Variants in ALK observed in about 807,000 individuals in gnomAD.
ALK encodes the protein ALK tyrosine kinase receptor.
ALK carries 74 observed loss-of-function variants against 163.1 expected under a neutral mutation model. The observed-to-expected ratio is 0.45, with a 90% CI of 0.38 to 0.55. ALK has a LOEUF of 0.55. ALK is among the 20% of genes least tolerant of loss of function. The pLI, the probability that ALK is intolerant of heterozygous loss-of-function variation, is 0.00. For synonymous variants in ALK, 960 were observed against 843.2 expected, an observed-to-expected ratio of 1.14 and a Z score of -2.40; for missense variants, 2,063 against 2,105.3, an observed-to-expected ratio of 0.98 and a Z score of 0.39.
chr2:29,529,065 G>A (rs764898871), intron 4 of ALK, among the ~76,000 whole-genome samples: 143 of 152,296 alleles, frequency 9.4e-4, no homozygotes, highest in Admixed American at 1.6e-3. Context: ...AGCAGCTGCT[G>A]TGCTTCTCCA....
At chr2:29,203,485 C>CTTTTTTTTTTTTTTTTTTTTTTTTTTTGT (rs1669233897) in intron 26 of ALK, among the ~76,000 whole-genome samples, 1 of 32,544 alleles carries the variant, frequency 3.1e-5, no homozygotes, top group Non-Finnish European at 5.2e-5. Flanking sequence ...GAGGATGTGC[C>CTTTTTTTTTTTTTTTTTTTTTTTTTTTGT]TTTTTTTTTT....
chr2:29,196,448 C>T (rs184941570), intron 28 of ALK, among the ~76,000 whole-genome samples: 291 of 152,288 alleles, frequency 1.9e-3, no homozygotes, highest in African/African-American at 5.5e-3. Context: ...GTGTTCCATA[C>T]GTCTGTGAAG....
At chr2:29,894,877 C>A (rs917417948) in intron 1 of ALK, among the ~76,000 whole-genome samples, 1 of 151,360 alleles carries the variant, frequency 6.6e-6, no homozygotes, top group Non-Finnish European at 1.5e-5. Context: ...CACACACACA[C>A]CCCGACATAC....
chr2:29,534,270 A>T (rs1388008584), intron 3 of ALK, among the ~76,000 whole-genome samples: 2 of 152,238 alleles, frequency 1.3e-5, no homozygotes, highest in African/African-American at 2.4e-5. Context: ...CTTGCACCAC[A>T]AGTCCACACA....
At chr2:29,243,119 T>A (rs999635224) in intron 12 of ALK, among the ~76,000 whole-genome samples, 1 of 152,190 alleles carries the variant, frequency 6.6e-6, no homozygotes, top group Non-Finnish European at 1.5e-5. Flanking sequence ...AAGCAAGGGC[T>A]TGAATGCAGA....
intron 1 of ALK, among the ~76,000 whole-genome samples, chr2:29,846,954 G>C (rs1665859887): frequency 6.6e-6 from 1 of 152,152 alleles, no homozygotes; most frequent in African/African-American, 2.4e-5. Context: ...CTAGAATCTT[G>C]CTGAGCTATA....
intron 3 of ALK, among the ~76,000 whole-genome samples, chr2:29,536,925 T>C (rs1431080629): frequency 6.6e-6 from 1 of 152,226 alleles, no homozygotes; most frequent in Non-Finnish European, 1.5e-5. Flanking sequence ...TTAAGAGTGA[T>C]AACTTAGGGT....
At chr2:29,348,997 T>TA (rs1437425122) in intron 5 of ALK, among the ~76,000 whole-genome samples, 1 of 152,226 alleles carries the variant, frequency 6.6e-6, no homozygotes, top group Non-Finnish European at 1.5e-5. Context: ...TTCTCGAATG[T>TA]ACAACGGGGA....
intron 28 of ALK, among the ~76,000 whole-genome samples, chr2:29,196,085 C>T (rs760774324): frequency 2.6e-5 from 4 of 152,178 alleles, no homozygotes; most frequent in East Asian, 3.9e-4. Flanking sequence ...GCAAAAATTT[C>T]GAGTCGTTAT....
intron 2 of ALK, among the ~76,000 whole-genome samples, chr2:29,699,526 T>A (rs1678671286): frequency 6.6e-6 from 1 of 152,196 alleles, no homozygotes; most frequent in Non-Finnish European, 1.5e-5. Flanking sequence ...ATTTACACAA[T>A]AGATGAGAAA....
At chr2:29,581,883 A>G (rs1201217273) in intron 3 of ALK, among the ~76,000 whole-genome samples, 2 of 152,200 alleles carry the variant, frequency 1.3e-5, no homozygotes, top group Admixed American at 6.5e-5. Context: ...CCTCTTAGGC[A>G]GAGAGAAACA....
At chr2:29,314,013 G>A (rs979614024) in intron 8 of ALK, among the ~76,000 whole-genome samples, 1 of 152,098 alleles carries the variant, frequency 6.6e-6, no homozygotes, top group African/African-American at 2.4e-5. Context: ...GAGGTCGGGG[G>A]CAAGCTTCAA....
chr2:29,453,759 G>C (rs546714191), intron 4 of ALK, among the ~76,000 whole-genome samples: 47 of 152,256 alleles, frequency 3.1e-4, no homozygotes, highest in African/African-American at 1.1e-3. Context: ...TATGGAGCAA[G>C]TGTGAGGAGA....
At chr2:29,539,865 G>C (rs1021982274) in intron 3 of ALK, among the ~76,000 whole-genome samples, 2 of 152,082 alleles carry the variant, frequency 1.3e-5, no homozygotes, top group African/African-American at 4.8e-5. Flanking sequence ...AACAACAACT[G>C]GGTAAAGTAT....
chr2:29,759,229 T>C (rs1455535337), intron 1 of ALK, among the ~76,000 whole-genome samples: 3 of 152,202 alleles, frequency 2.0e-5, no homozygotes, highest in Non-Finnish European at 4.4e-5. Context: ...TCATCATCTT[T>C]CACCTAACTG....
At chr2:29,196,634 A>T in intron 28 of ALK, 136 bp downstream of exon 28, 1 of 750,634 alleles carries the variant, frequency 1.3e-6, no homozygotes, top group Non-Finnish European at 2.4e-6. Context: ...TTCATTTTAG[A>T]GAAAATTAAT....
intron 9 of ALK, among the ~76,000 whole-genome samples, chr2:29,284,569 A>G (rs1665801376): frequency 6.6e-6 from 1 of 152,224 alleles, no homozygotes; most frequent in Non-Finnish European, 1.5e-5. Flanking sequence ...ACTTAGTGCC[A>G]TTTTGAGCAA....
At chr2:29,381,827 T>C (rs1668904237) in intron 5 of ALK, among the ~76,000 whole-genome samples, 1 of 152,202 alleles carries the variant, frequency 6.6e-6, no homozygotes. Context: ...AATATGAGTG[T>C]AATTTTAGGA....
rs551308324 is a variant in ALK at position 29,426,118 on chromosome 2, G to T, written c.1155-42259C>A. On this transcript the variant is annotated intron_variant, in intron 4 of 28. Transcript: ENST00000389048. ...CCTACAGCTGGATGTGATGCCAGCA[G>T]AAGCAGTTGGTTTAACAGAGATCAG... Among the ~76,000 whole-genome samples, 26 of 152,344 alleles carry T rather than the reference G, an allele frequency of 1.7e-4. No individual in the cohort carries two copies. In the South Asian group the frequency reaches 5.2e-3, roughly 30 times the overall value.
Sources: gnomAD v4.1 joint callset for allele counts (sites outside exome capture counted in the v4.1 genomes callset) on GRCh38, gnomAD v4.1.1 for gene constraint, MANE v1.5 for transcripts, NCBI Gene and HGNC (gene_info 2026-07-23, HGNC 2026-07-21) for gene names.